ANO6: variants seen among roughly 807,000 people sequenced by gnomAD.
ANO6 encodes anoctamin 6.
A neutral mutation model predicts 117.5 loss-of-function variants in ANO6; 106 were observed. The ratio of observed to expected loss-of-function variants is 0.90; its 90% confidence interval spans 0.77 to 1.06. ANO6 has a LOEUF of 1.06. Ranked by LOEUF, ANO6 falls within the 50% of genes least tolerant of loss-of-function variation. ANO6 has a pLI of 0.00. For synonymous variants in ANO6, 367 were observed against 385.1 expected, an observed-to-expected ratio of 0.95 and a Z score of 0.55; for missense variants, 955 against 1,121.1, an observed-to-expected ratio of 0.85 and a Z score of 2.12.
chr12:45,289,835 G>A (rs1939038407), intron 1 of ANO6, among the ~76,000 whole-genome samples: 1 of 152,208 alleles, frequency 6.6e-6, no homozygotes, highest in South Asian at 2.1e-4. Context: ...TATATGACAA[G>A]CAGCTGTACT....
Position 45,430,551 on chromosome 12 carries a change from G to T in ANO6, c.*1240G>T. ...AACTGTCTGATTGTACTAGAGACAGGAGTATACCCAGCTTATTCATAATCA... is the reference window on the plus strand; with the variant it reads ...AACTGTCTGATTGTACTAGAGACAGTAGTATACCCAGCTTATTCATAATCA... On this transcript the variant is annotated 3_prime_UTR_variant, in exon 20 of 20. Coordinates refer to ENST00000320560, the MANE Select transcript of ANO6 (RefSeq NM_001025356.3). 1 of 985,416 alleles carries T rather than the reference G, an allele frequency of 1.0e-6. No homozygotes were observed. Among genetic ancestry groups the T allele is most frequent in the South Asian group, 4.7e-5 (1 of 21,288 alleles). 61.0% of individuals were successfully genotyped at this position (985,416 alleles called of 1,614,324 possible).
At chr12:45,372,514 C>T (rs11183008) in intron 9 of ANO6, among the ~76,000 whole-genome samples, 1,804 of 141,382 alleles carry the variant, frequency 0.013, 36 homozygotes, top group African/African-American at 0.043. Context: ...GCGGATCTCT[C>T]GGCAGAAACC....
rs115504106 is a variant in ANO6, at chr12:45,269,667, G to A, written c.71-32347G>A. On this transcript the variant is annotated intron_variant, in intron 1 of 19. Coordinates refer to ENST00000320560, the MANE Select transcript of ANO6 (RefSeq NM_001025356.3). Reference sequence around the variant, plus strand: ...AATCAATTTCTAACTAAGTATTGCAGAGAACACACCGTGGAGCCATTTTAT... The same window carrying A: ...AATCAATTTCTAACTAAGTATTGCAAAGAACACACCGTGGAGCCATTTTAT... Among the ~76,000 whole-genome samples the A allele has an allele frequency of 2.3e-3, 354 of 152,276 alleles. 1 individual carries two copies. The highest frequency in any genetic ancestry group is 8.0e-3 in the African/African-American group (332 of 41,546).
intron 16 of ANO6, among the ~76,000 whole-genome samples, chr12:45,411,403 T>A (rs1565761483): frequency 6.6e-6 from 1 of 152,210 alleles, no homozygotes; most frequent in Non-Finnish European, 1.5e-5. Flanking sequence ...TTAGAAAACT[T>A]GATTTCTGAA....
At chr12:45,438,796 C>T (rs56404222) in intron 19 of ANO6, among the ~76,000 whole-genome samples, 8,975 of 151,996 alleles carry the variant, frequency 0.059, 902 homozygotes, top group African/African-American at 0.2. Flanking sequence ...ATCTAGAGGC[C>T]CACTGCAAAA....
intron 1 of ANO6, among the ~76,000 whole-genome samples, chr12:45,282,190 G>A (rs1327954847): frequency 6.6e-6 from 1 of 152,230 alleles, no homozygotes; most frequent in African/African-American, 2.4e-5. Flanking sequence ...CATAAGTCCT[G>A]TGTGTTAATA....
chr12:45,251,013 C>T (rs1338408734), intron 1 of ANO6, among the ~76,000 whole-genome samples: 2 of 151,138 alleles, frequency 1.3e-5, no homozygotes, highest in African/African-American at 4.9e-5. Flanking sequence ...GTCCAGGCCA[C>T]AGTGAGCCCT....
chr12:45,305,929 G>A (rs1308457633), intron 2 of ANO6, among the ~76,000 whole-genome samples: 1 of 152,094 alleles, frequency 6.6e-6, no homozygotes, highest in African/African-American at 2.4e-5. Context: ...AACTGGAGGT[G>A]CAGGGGGAGC....
chr12:45,360,037 T>G (rs1457656413), intron 8 of ANO6, among the ~76,000 whole-genome samples: 1 of 152,236 alleles, frequency 6.6e-6, no homozygotes, highest in African/African-American at 2.4e-5. Context: ...CATCTTCTCA[T>G]GTGTTTGTCA....
chr12:45,360,859 T>C (rs759378834), intron 8 of ANO6, among the ~76,000 whole-genome samples: 12 of 152,242 alleles, frequency 7.9e-5, no homozygotes, highest in Non-Finnish European at 1.8e-4. Context: ...TGTTTAATTA[T>C]CTTGGCACCC....
At chr12:45,263,721 A>C (rs975191226) in intron 1 of ANO6, among the ~76,000 whole-genome samples, 2 of 152,154 alleles carry the variant, frequency 1.3e-5, no homozygotes, top group African/African-American at 4.8e-5. Flanking sequence ...GGAGGGTCAG[A>C]GGCAAAGGGA....
chr12:45,375,315 A>G (rs1474474696), intron 9 of ANO6, among the ~76,000 whole-genome samples: 1 of 152,200 alleles, frequency 6.6e-6, no homozygotes, highest in African/African-American at 2.4e-5. Flanking sequence ...ATCCCCATCA[A>G]GCTACCAATG....
intron 16 of ANO6, among the ~76,000 whole-genome samples, chr12:45,416,328 TAAA>T (rs11424180): frequency 6.7e-6 from 1 of 150,190 alleles, no homozygotes. Context: ...TCTTTTTTCT[TAAA>T]AAAAAAATCC....
chr12:45,431,282 C>T lies in ANO6; in HGVS notation c.*1971C>T, dbSNP rs1943626110. ...GGGAGTGCCACTGTTCCTCTCTTCA[C>T]TCCTGAGATACTGCTTCTGGAAGCG... is the stretch of plus-strand genomic sequence containing the variant. On this transcript the variant is annotated 3_prime_UTR_variant, in exon 20 of 20. Transcript: ENST00000320560. 1 of 985,388 alleles carries T rather than the reference C, an allele frequency of 1.0e-6. No homozygotes were observed. 61.0% of individuals were successfully genotyped at this position (985,388 alleles called of 1,614,324 possible). A position where few individuals can be genotyped will look rare whatever the true frequency, so the allele number is the denominator to read the frequency against.
chr12:45,402,912 A>C (rs1942830980), intron 13 of ANO6, among the ~76,000 whole-genome samples, 160 bp from the exon 14 acceptor site: 1 of 152,230 alleles, frequency 6.6e-6, no homozygotes, highest in African/African-American at 2.4e-5. Context: ...GAATTAACAC[A>C]GTGGCTATAT....
chr12:45,240,351 ATTTTTTTTTTTTTTTTTTTT>A (rs57126852), intron 1 of ANO6, among the ~76,000 whole-genome samples: 18 of 30,738 alleles, frequency 5.9e-4, no homozygotes, highest in South Asian at 4.7e-3. Flanking sequence ...GCAACCCCTG[ATTTTTTTTTTTTTTTTTTTT>A]TTTTTTTTTT....
chr12:45,268,074 A>G (rs752250846), intron 1 of ANO6, among the ~76,000 whole-genome samples: 6 of 152,214 alleles, frequency 3.9e-5, no homozygotes, highest in Non-Finnish European at 8.8e-5. Flanking sequence ...GAGTACAGAT[A>G]TCTCTATATC....
chr12:45,229,929 A>G (rs1947550183), intron 1 of ANO6, among the ~76,000 whole-genome samples: 1 of 142,392 alleles, frequency 7.0e-6, no homozygotes, highest in Non-Finnish European at 1.5e-5. Flanking sequence ...AAACGGTTGT[A>G]TCAAATGAAG....
At chr12:45,311,295 A>G (rs985994307) in intron 2 of ANO6, among the ~76,000 whole-genome samples, 2 of 152,088 alleles carry the variant, frequency 1.3e-5, no homozygotes, top group Non-Finnish European at 2.9e-5. Flanking sequence ...GCCTAAGAGC[A>G]GAGAGTAATG....
Sources: gnomAD v4.1 joint callset for allele counts (sites outside exome capture counted in the v4.1 genomes callset) on GRCh38, gnomAD v4.1.1 for gene constraint, MANE v1.5 for transcripts, NCBI Gene and HGNC (gene_info 2026-07-23, HGNC 2026-07-21) for gene names.